The following NUP35 variants were observed in gnomAD, a reference collection of about 807,000 sequenced individuals.
NUP35 encodes the protein nucleoporin 35.
NUP35 carries 25 observed loss-of-function variants against 41.5 expected under a neutral mutation model. The ratio of observed to expected loss-of-function variants is 0.60; its 90% CI spans 0.44 to 0.84. NUP35 has a LOEUF of 0.84. Ranked by LOEUF, NUP35 falls within the 40% of genes least tolerant of loss-of-function variation. The pLI, the probability that NUP35 is intolerant of heterozygous loss-of-function variation, is 0.00. For missense variants in NUP35, 396 were observed against 396.6 expected (o/e 1.00, Z 0.01); for synonymous variants, 149 against 130.7 (o/e 1.14, Z -0.96).
At chr2:183,160,358 T>G (rs889564290) in intron 8 of NUP35, 3 of 152,224 alleles carry the variant, frequency 2.0e-5, no homozygotes, top group African/African-American at 7.2e-5. Flanking sequence ...ATTTTAAATT[T>G]CCCATTCAGT....
intron 5 of NUP35, among the ~76,000 whole-genome samples, chr2:183,156,483 G>A (rs183541480): frequency 6.6e-6 from 1 of 152,242 alleles, no homozygotes; most frequent in African/African-American, 2.4e-5. Context: ...GGGATTACAG[G>A]TGCCCGCCAC....
At chr2:183,124,439 A>G (rs374196554), upstream of NUP35, 15 of 1,614,066 alleles carry the variant, frequency 9.3e-6, no homozygotes, top group Non-Finnish European at 1.2e-5. Context: ...TACTGGTTTT[A>G]AGTGTAGTTG....
intron 4 of NUP35, among the ~76,000 whole-genome samples, chr2:183,139,544 AAAGAGTT>A (rs1575122562): frequency 6.6e-6 from 1 of 152,220 alleles, no homozygotes; most frequent in East Asian, 1.9e-4. Flanking sequence ...AGGAGAGTTT[AAAGAGTT>A]AAGGAGGGAA....
upstream of NUP35, chr2:183,124,274 A>C (rs1235475826): frequency 7.2e-7 from 1 of 1,387,508 alleles, no homozygotes; most frequent in Non-Finnish European, 9.4e-7. Context: ...CTTTCCTCGG[A>C]AATTCTCAGC....
At chr2:183,130,632 C>T in intron 3 of NUP35, 87 bp downstream of exon 3, 5 of 1,362,512 alleles carry the variant, frequency 3.7e-6, no homozygotes, top group Non-Finnish European at 5.1e-6. Flanking sequence ...TGAAATGTTT[C>T]CCTGAAGTCT....
chr2:183,131,710 A>G (rs944047833), intron 3 of NUP35, among the ~76,000 whole-genome samples: 1 of 152,244 alleles, frequency 6.6e-6, no homozygotes, highest in Non-Finnish European at 1.5e-5. Flanking sequence ...ACTTAGAAAG[A>G]ATGTAAGGTA....
At position 183,159,670 on chromosome 2, in the gene NUP35, T is replaced by C. The variant is rs1210823270; in HGVS notation, c.903+18T>C. 1.3e-6 allele frequency: 2 copies of C among 1,595,622 alleles called. No homozygotes were observed. The highest frequency in any genetic ancestry group is 1.1e-5 in the South Asian group (1 of 90,146). Reference sequence around the variant, plus strand: ...ATTATCAGGTATTTTAAGGATTGGATAAAAAAAGATGTACTTTAATGGCTG... The same window carrying C: ...ATTATCAGGTATTTTAAGGATTGGACAAAAAAAGATGTACTTTAATGGCTG... On this transcript the variant is annotated intron_variant, in intron 8 of 8. Transcript: ENST00000295119.
intron 5 of NUP35, among the ~76,000 whole-genome samples, chr2:183,154,428 T>C (rs1186298597): frequency 6.6e-6 from 1 of 152,244 alleles, no homozygotes; most frequent in Non-Finnish European, 1.5e-5. Flanking sequence ...AGTCACCTTT[T>C]GAATGCTTTG....
intron 4 of NUP35, among the ~76,000 whole-genome samples, chr2:183,150,922 G>A (rs1326956041): frequency 6.6e-6 from 1 of 152,172 alleles, no homozygotes; most frequent in African/African-American, 2.4e-5. Flanking sequence ...TGTTTAGCAT[G>A]GCATGTTGGA....
At chr2:183,148,682 A>T (rs1300828104) in intron 4 of NUP35, among the ~76,000 whole-genome samples, 2 of 151,884 alleles carry the variant, frequency 1.3e-5, no homozygotes, top group Non-Finnish European at 2.9e-5. Context: ...TTCGAGATGG[A>T]GTCTTAAACT....
intron 5 of NUP35, among the ~76,000 whole-genome samples, chr2:183,155,523 G>GT (rs1271054072): frequency 3.4e-5 from 5 of 147,076 alleles, no homozygotes; most frequent in Admixed American, 2.7e-4. Flanking sequence ...GGGCTGGTGT[G>GT]TTTTTTTTCT....
chr2:183,127,155 T>A (rs1437207364), intron 1 of NUP35, among the ~76,000 whole-genome samples: 4 of 152,216 alleles, frequency 2.6e-5, no homozygotes, highest in Non-Finnish European at 5.9e-5. Flanking sequence ...TATAGCTCAC[T>A]CATCTTCATA....
chr2:183,125,507 A>G (rs1433176687), intron 1 of NUP35, among the ~76,000 whole-genome samples: 1 of 152,220 alleles, frequency 6.6e-6, no homozygotes, highest in Non-Finnish European at 1.5e-5. Flanking sequence ...AGAATAGAGT[A>G]ACTTGAACTA....
chr2:183,145,470 A>T (rs993967840), intron 4 of NUP35, among the ~76,000 whole-genome samples: 3 of 152,180 alleles, frequency 2.0e-5, no homozygotes, highest in Non-Finnish European at 2.9e-5. Flanking sequence ...GCCTATACCT[A>T]TTAAATGCTT....
In NUP35 at chr2:183,159,639, C is replaced by T; in HGVS notation, c.890C>T (p.Thr297Ile). The change falls in exon 8 of 9, where the codon ACT becomes ATT. Residue 297 changes from threonine (T) to isoleucine (I), a missense_variant. Physicochemically the swap from Thr to Ile is moderately conservative, Grantham distance 89 (BLOSUM62 -1). Coordinates refer to ENST00000295119, the MANE Select transcript of NUP35 (RefSeq NM_138285.5). ...CTTGCTACAGCATACAAAGCCTCTA[C>T]TAGTGATTATCAGGTATTTTAAGGA... Reference protein sequence around the residue: ...RPLATAYKASTSDYQVISDRQ... With the variant: ...RPLATAYKASISDYQVISDRQ... 1 of 1,611,928 alleles carries T rather than the reference C, an allele frequency of 6.2e-7. No homozygotes were observed. Among genetic ancestry groups the T allele is most frequent in the South Asian group, 1.1e-5 (1 of 90,942 alleles).
At chr2:183,139,527 ACT>A (rs1209164882) in intron 4 of NUP35, among the ~76,000 whole-genome samples, 1 of 152,156 alleles carries the variant, frequency 6.6e-6, no homozygotes, top group African/African-American at 2.4e-5. Flanking sequence ...CAGAGGGGAG[ACT>A]CTGAAGGAGA....
At chr2:183,126,600 C>T (rs1330272294) in intron 1 of NUP35, among the ~76,000 whole-genome samples, 7 of 151,534 alleles carry the variant, frequency 4.6e-5, no homozygotes, top group African/African-American at 9.7e-5. Flanking sequence ...TAGAGTTTTT[C>T]ACACCTTGTT....
chr2:183,120,232 G>C (rs1411855246), upstream of NUP35: 1 of 152,348 alleles, frequency 6.6e-6, no homozygotes, highest in African/African-American at 2.4e-5. Flanking sequence ...GATCACTTGA[G>C]GTCAGGAGTT....
At chr2:183,134,442 A>G (rs1270210294) in intron 4 of NUP35, among the ~76,000 whole-genome samples, 5 of 152,102 alleles carry the variant, frequency 3.3e-5, no homozygotes, top group African/African-American at 1.2e-4. Flanking sequence ...AGGGTAATGT[A>G]TTAGTTTTCT....
Sources: allele counts gnomAD v4.1 joint callset (sites outside exome capture counted in the v4.1 genomes callset), GRCh38; gene constraint gnomAD v4.1.1; transcripts MANE v1.5; gene names NCBI Gene and HGNC (gene_info 2026-07-23, HGNC 2026-07-21).